EVI5: variants seen among roughly 807,000 people sequenced by gnomAD.
EVI5 encodes ecotropic viral integration site 5 protein homolog.
In EVI5, 73 loss-of-function variants were observed where a neutral mutation model predicts 112.0. That is an observed-to-expected ratio of 0.65 (90% confidence interval 0.54 to 0.79). The LOEUF (loss-of-function observed/expected upper bound fraction) is 0.79. Ranked by LOEUF, EVI5 falls within the 30% of genes least tolerant of loss-of-function variation. EVI5 has a pLI of 0.00. For synonymous variants in EVI5, 305 were observed against 319.9 expected (o/e 0.95, Z 0.50); for missense variants, 900 against 968.8 (o/e 0.93, Z 0.94).
chr1:92,599,632 A>G (rs906966171), intron 18 of EVI5, among the ~76,000 whole-genome samples: 13 of 152,196 alleles, frequency 8.5e-5, no homozygotes, highest in Admixed American at 5.9e-4. Flanking sequence ...TTAGCCAAAA[A>G]GCACTCAGTC....
chr1:92,784,180 A>G, intron 1 of EVI5: 1 of 410,572 alleles, frequency 2.4e-6, no homozygotes, highest in Non-Finnish European at 3.3e-6. Flanking sequence ...CCCCAAAGAC[A>G]GACAGACAGA....
chr1:92,767,205 G>T (rs1304387844), intron 1 of EVI5, among the ~76,000 whole-genome samples: 1 of 151,944 alleles, frequency 6.6e-6, no homozygotes, highest in Non-Finnish European at 1.5e-5. Flanking sequence ...CTATCCGCCT[G>T]TTAGTTACTT....
intron 2 of EVI5, chr1:92,732,271 C>T: frequency 5.6e-6 from 2 of 358,516 alleles, no homozygotes; most frequent in South Asian, 5.4e-5. Context: ...GCCTGAGACA[C>T]CATCATCAGT....
At chr1:92,590,359 G>C (rs186403299) in intron 18 of EVI5, among the ~76,000 whole-genome samples, 8 of 152,206 alleles carry the variant, frequency 5.3e-5, no homozygotes, top group Non-Finnish European at 1.2e-4. Context: ...AGAAGTTAAA[G>C]ACCTTGAAAA....
chr1:92,543,081 A>G (rs542199642), intron 19 of EVI5, among the ~76,000 whole-genome samples: 1 of 152,234 alleles, frequency 6.6e-6, no homozygotes, highest in Admixed American at 6.5e-5. Context: ...CGAGAGAGCC[A>G]TTTGAAGCTT....
intron 1 of EVI5, among the ~76,000 whole-genome samples, chr1:92,779,782 T>C (rs1306293991): frequency 6.6e-6 from 1 of 152,180 alleles, no homozygotes; most frequent in Non-Finnish European, 1.5e-5. Context: ...CAAGCTGATT[T>C]GGCTAACTCA....
chr1:92,599,228 G>C (rs1482124489), intron 18 of EVI5, among the ~76,000 whole-genome samples: 1 of 151,786 alleles, frequency 6.6e-6, no homozygotes, highest in Non-Finnish European at 1.5e-5. Flanking sequence ...TTCATTATAT[G>C]AATAACAGAT....
chr1:92,568,412 A>T (rs1669824928), intron 18 of EVI5, among the ~76,000 whole-genome samples: 1 of 151,872 alleles, frequency 6.6e-6, no homozygotes, highest in Non-Finnish European at 1.5e-5. Context: ...AGAAAAAAAT[A>T]CAGATTTTTG....
chr1:92,694,417 T>A, intron 7 of EVI5, 29 bp from the exon 8 acceptor site: 1 of 1,260,842 alleles, frequency 7.9e-7, no homozygotes, highest in Non-Finnish European at 1.1e-6. Context: ...TAAATCCAAA[T>A]TTATGTTACT....
chr1:92,781,270 G>A (rs1237307104), intron 1 of EVI5, among the ~76,000 whole-genome samples: 2 of 152,268 alleles, frequency 1.3e-5, no homozygotes, highest in Non-Finnish European at 2.9e-5. Flanking sequence ...ACTTTGGGAA[G>A]CCGAAGAGGG....
At chr1:92,665,192 G>A (rs749815823) in intron 11 of EVI5, among the ~76,000 whole-genome samples, 3 of 152,026 alleles carry the variant, frequency 2.0e-5, no homozygotes, top group Non-Finnish European at 4.4e-5. Flanking sequence ...GCAACAGAGC[G>A]AGACTCTCTC....
At chr1:92,682,367 T>C (rs1486186991) in intron 9 of EVI5, among the ~76,000 whole-genome samples, 1 of 152,300 alleles carries the variant, frequency 6.6e-6, no homozygotes, top group East Asian at 1.9e-4. Context: ...CACTGATGGA[T>C]GTTACACTGT....
intron 13 of EVI5, among the ~76,000 whole-genome samples, chr1:92,656,146 C>A (rs1662962889): frequency 6.6e-6 from 1 of 152,142 alleles, no homozygotes; most frequent in South Asian, 2.1e-4. Flanking sequence ...CATATTTTAG[C>A]CCATGAAACA....
chr1:92,530,451 G>A (rs1338912638), intron 19 of EVI5, among the ~76,000 whole-genome samples: 11 of 152,132 alleles, frequency 7.2e-5, no homozygotes, highest in Non-Finnish European at 1.6e-4. Flanking sequence ...GGGACAGACT[G>A]CCTCCTCAAG....
chr1:92,618,020 C>T (rs1653619236), intron 16 of EVI5, among the ~76,000 whole-genome samples: 1 of 152,180 alleles, frequency 6.6e-6, no homozygotes, highest in Non-Finnish European at 1.5e-5. Context: ...CATCCTAAAG[C>T]AGCTGGATGG....
chr1:92,644,547 T>C (rs2101987159), intron 13 of EVI5, among the ~76,000 whole-genome samples: 1 of 152,298 alleles, frequency 6.6e-6, no homozygotes, highest in African/African-American at 2.4e-5. Context: ...CTTGGTTAGC[T>C]TGAATTTCTT....
chr1:92,755,490 A>T (rs1312404815), intron 1 of EVI5, among the ~76,000 whole-genome samples: 1 of 152,250 alleles, frequency 6.6e-6, no homozygotes. Flanking sequence ...ATTTTTAAAG[A>T]CATTATTGCT....
chr1:92,549,795 T>C (rs1666467488), intron 19 of EVI5, among the ~76,000 whole-genome samples: 1 of 152,108 alleles, frequency 6.6e-6, no homozygotes, highest in South Asian at 2.1e-4. Context: ...AAAATCACAG[T>C]GAGACACCAT....
At chr1:92,695,197 C>T in intron 7 of EVI5, 113 bp downstream of exon 7, 1 of 749,750 alleles carries the variant, frequency 1.3e-6, no homozygotes, top group Non-Finnish European at 2.2e-6. Context: ...TCCATGTAAG[C>T]AGTTTTGCAT....
Sources: allele counts gnomAD v4.1 joint callset (sites outside exome capture counted in the v4.1 genomes callset), GRCh38; gene constraint gnomAD v4.1.1; transcripts MANE v1.5; gene names NCBI Gene and HGNC (gene_info 2026-07-23, HGNC 2026-07-21).